The following MAP7 variants were observed in gnomAD, a reference collection of about 807,000 sequenced individuals.
MAP7 encodes ensconsin.
MAP7 carries 52 observed loss-of-function variants against 94.8 expected under a neutral mutation model. The ratio of observed to expected loss-of-function variants is 0.55; its 90% CI spans 0.44 to 0.69. The LOEUF is 0.69. Ranked by LOEUF, MAP7 falls within the 30% of genes least tolerant of loss-of-function variation. The pLI is 0.00. For synonymous variants in MAP7, 350 were observed against 357.0 expected (o/e 0.98, Z 0.22); for missense variants, 940 against 964.6 (o/e 0.97, Z 0.34).
intron 9 of MAP7, 121 bp downstream of exon 9, chr6:136,366,206 G>T: frequency 9.5e-7 from 1 of 1,049,088 alleles, no homozygotes; most frequent in South Asian, 1.5e-5. Flanking sequence ...TTCCTTTTGG[G>T]AAGAATGCTA....
At chr6:136,478,770 A>T (rs1297764071) in intron 1 of MAP7, among the ~76,000 whole-genome samples, 2 of 152,056 alleles carry the variant, frequency 1.3e-5, no homozygotes, top group Non-Finnish European at 1.5e-5. Context: ...TGAACAGACC[A>T]ATAACAAGTA....
At chr6:136,397,776 G>T (rs746239750) in intron 3 of MAP7, among the ~76,000 whole-genome samples, 1 of 152,066 alleles carries the variant, frequency 6.6e-6, no homozygotes, top group Non-Finnish European at 1.5e-5. Flanking sequence ...CCAGTCTATG[G>T]TATTTTGTTA....
intron 1 of MAP7, among the ~76,000 whole-genome samples, chr6:136,422,378 G>C (rs1292219134): frequency 6.6e-6 from 1 of 152,116 alleles, no homozygotes; most frequent in Admixed American, 6.5e-5. Flanking sequence ...GGGGTGGGGT[G>C]CTGGAGGGAG....
At chr6:136,363,653 T>G (rs1241729002) in intron 10 of MAP7, among the ~76,000 whole-genome samples, 1 of 152,222 alleles carries the variant, frequency 6.6e-6, no homozygotes, top group African/African-American at 2.4e-5. Context: ...ACTAGAAATA[T>G]TGAATTCACA....
At chr6:136,421,596 C>T (rs1791378016) in intron 2 of MAP7, 105 bp downstream of exon 2, 1 of 1,116,118 alleles carries the variant, frequency 9.0e-7, no homozygotes, top group Non-Finnish European at 1.3e-6. Context: ...TTCGAGTTTT[C>T]TGGAAACTAG....
chr6:136,474,898 TA>T (rs1810364550), intron 1 of MAP7, among the ~76,000 whole-genome samples: 1 of 152,032 alleles, frequency 6.6e-6, no homozygotes. Flanking sequence ...GTATTTTGGG[TA>T]GAGACGGGGT....
intron 1 of MAP7, among the ~76,000 whole-genome samples, chr6:136,548,829 C>A (rs894467641): frequency 2.0e-5 from 3 of 152,186 alleles, no homozygotes; most frequent in Non-Finnish European, 2.9e-5. Flanking sequence ...GGGTTAGGAA[C>A]GAAAATCATG....
At chr6:136,488,732 C>T (rs1255399859) in intron 1 of MAP7, among the ~76,000 whole-genome samples, 1 of 152,030 alleles carries the variant, frequency 6.6e-6, no homozygotes, top group East Asian at 1.9e-4. Flanking sequence ...CATGAGCCAC[C>T]ATGCCTGGCC....
intron 14 of MAP7, 21 bp from the exon 15 acceptor site, chr6:136,359,898 G>C (rs774713656): frequency 1.2e-6 from 2 of 1,611,848 alleles, no homozygotes; most frequent in Non-Finnish European, 8.5e-7. Context: ...GAAAAAAAGA[G>C]GACTTTTAAA....
intron 3 of MAP7, among the ~76,000 whole-genome samples, chr6:136,404,933 A>T (rs1785147381): frequency 6.6e-6 from 1 of 152,228 alleles, no homozygotes; most frequent in Non-Finnish European, 1.5e-5. Flanking sequence ...ATCCTAATAG[A>T]TTATCCATAG....
intron 2 of MAP7, among the ~76,000 whole-genome samples, chr6:136,417,816 A>C (rs1002536288): frequency 1.3e-5 from 2 of 152,218 alleles, no homozygotes; most frequent in Admixed American, 6.5e-5. Flanking sequence ...CCTAAGTCAC[A>C]CACTCCTCTA....
At chr6:136,437,654 A>G (rs953777075) in intron 1 of MAP7, among the ~76,000 whole-genome samples, 3 of 152,212 alleles carry the variant, frequency 2.0e-5, no homozygotes, top group African/African-American at 7.2e-5. Flanking sequence ...ATTTCATAGG[A>G]GCCTACAATG....
At position 136,377,791 on chromosome 6, in the gene MAP7, T is replaced by C. The variant is rs746039243; in HGVS notation, c.715A>G (p.Arg239Gly). ...LLTPTHSFLA[R>G]SKSTAALSGE... ...GACAAGGCAGCTGTGCTTTTACTTC[T>C]GGCCAGGAACGAATGTGTGGGCGTC... The change falls in exon 7 of 18, where the codon AGA (arginine) becomes GGA (glycine). Residue 239 changes from arginine (R) to glycine (G), a missense_variant. By Grantham distance (125) the Arg-to-Gly change is moderately radical. Coordinates refer to ENST00000354570, the MANE Select transcript of MAP7 (RefSeq NM_003980.6). 1 of 1,614,118 alleles carries C rather than the reference T, an allele frequency of 6.2e-7. No homozygotes were observed. Among genetic ancestry groups the C allele is most frequent in the Non-Finnish European group, 8.5e-7 (1 of 1,179,952 alleles).
At chr6:136,355,184 A>T (rs181002629) in intron 16 of MAP7, among the ~76,000 whole-genome samples, 1 of 152,244 alleles carries the variant, frequency 6.6e-6, no homozygotes, top group East Asian at 1.9e-4. Context: ...AAAAAAAATA[A>T]TAATAAAAGA....
At position 136,360,893 on chromosome 6, in the gene MAP7, GAGA is replaced by G. The variant is rs1198329032; in HGVS notation, c.1702-98_1702-96del. 5 of 1,553,914 alleles carry G rather than the reference GAGA, an allele frequency of 3.2e-6. No homozygotes were observed. In the East Asian group the frequency reaches 9.0e-5, roughly 28 times the overall value. ...AGAGGTGGGGGCGAGGTGGCGGATGGAGAAGGTGTGGAAAGCGGGAGCACCAGC... is the reference window on the plus strand; with the variant it reads ...AGAGGTGGGGGCGAGGTGGCGGATGGAGGTGTGGAAAGCGGGAGCACCAGC... On this transcript the variant is annotated intron_variant, in intron 12 of 17. Coordinates refer to ENST00000354570, the MANE Select transcript of MAP7 (RefSeq NM_003980.6).
chr6:136,444,307 T>C (rs1304344408), intron 1 of MAP7, among the ~76,000 whole-genome samples: 2 of 152,330 alleles, frequency 1.3e-5, no homozygotes, highest in East Asian at 3.9e-4. Context: ...GAATTTGCAC[T>C]TTGAAACAAG....
intron 6 of MAP7, among the ~76,000 whole-genome samples, chr6:136,381,849 A>G (rs933522109): frequency 7.0e-6 from 1 of 142,586 alleles, no homozygotes; most frequent in Non-Finnish European, 1.5e-5. Flanking sequence ...CTATGTCCTA[A>G]TTCTCTACTC....
intron 1 of MAP7, among the ~76,000 whole-genome samples, chr6:136,466,142 C>T (rs1806965422): frequency 6.6e-6 from 1 of 152,018 alleles, no homozygotes; most frequent in African/African-American, 2.4e-5. Flanking sequence ...TGGGGAAAGA[C>T]ATAACTGGGC....
Position 136,524,262 on chromosome 6 carries a change from G to T in MAP7, c.67+26080C>A, listed in dbSNP as rs193268367. The stretch of plus-strand genomic sequence containing the variant: ...CCATCTCAAAAAAAAGAAAAGAAAA[G>T]AAAATTATTAAGAATAAAATGGATG... On this transcript the variant is annotated intron_variant, in intron 1 of 17. Coordinates refer to ENST00000354570, the MANE Select transcript of MAP7 (RefSeq NM_003980.6). Among the ~76,000 whole-genome samples, 524 of 151,910 alleles carry T rather than the reference G, an allele frequency of 3.4e-3. 5 individuals carry two copies. The highest frequency in any genetic ancestry group is 2.8e-3 in the Non-Finnish European group (193 of 67,986).
Sources: gnomAD v4.1 joint callset for allele counts (sites outside exome capture counted in the v4.1 genomes callset) on GRCh38, gnomAD v4.1.1 for gene constraint, MANE v1.5 for transcripts, NCBI Gene and HGNC (gene_info 2026-07-23, HGNC 2026-07-21) for gene names.